IRAK1: variants seen among roughly 807,000 people sequenced by gnomAD.
The protein encoded by IRAK1 is interleukin 1 receptor associated kinase 1.
IRAK1 carries 9 observed loss-of-function variants against 49.8 expected under a neutral mutation model. That is an observed-to-expected ratio of 0.18 (90% confidence interval 0.11 to 0.32). IRAK1 has a LOEUF of 0.32. IRAK1 is among the 10% of genes least tolerant of loss of function. The pLI, the probability that IRAK1 is intolerant of heterozygous loss-of-function variation, is 1.00. For missense variants in IRAK1, 418 were observed against 600.5 expected (o/e 0.70, Z 3.18); for synonymous variants, 282 against 270.8 (o/e 1.04, Z -0.41).
At chrX:154,018,381 G>A (rs781791859) in intron 5 of IRAK1, 26 bp from the exon 6 acceptor site, 10 of 1,125,893 alleles carry the variant, frequency 8.9e-6, no homozygotes, top group Admixed American at 2.5e-5. Flanking sequence ...TGCGGTGGGG[G>A]AAGGGGCAGG....
At position 154,014,249 on chromosome X, in the gene IRAK1, C is replaced by T. The variant is rs1241646525; in HGVS notation, c.1332G>A (p.Glu444=). The T allele has an allele frequency of 8.3e-7, 1 of 1,204,518 alleles. No individual in the cohort carries two copies. Among genetic ancestry groups the T allele is most frequent in the Non-Finnish European group, 1.1e-6 (1 of 893,394 alleles). Residue 444 remains glutamate (E), a synonymous_variant, in exon 11 of 14, where the codon GAG becomes GAA. Coordinates refer to ENST00000369980, the MANE Select transcript of IRAK1 (RefSeq NM_001569.4). The part of the protein sequence containing the change: ...LKDLVEEEAE[E]AGVALRSTQS... Reference sequence around the variant, plus strand: ...GGGTGCTTCTCAAAGCCACTCCAGCCTCCTCAGCCTCCTCTTCCACCAGGT... The same window carrying T: ...GGGTGCTTCTCAAAGCCACTCCAGCTTCCTCAGCCTCCTCTTCCACCAGGT...
rs935981863 is a variant in IRAK1, at chrX:154,019,504, G to A, written c.231C>T (p.Asn77=). The A allele has an allele frequency of 5.1e-6, 6 of 1,185,051 alleles. No homozygotes were observed. Among genetic ancestry groups the A allele is most frequent in the Non-Finnish European group, 5.6e-6 (5 of 887,183 alleles). Residue 77 remains asparagine (N), a synonymous_variant, in exon 2 of 14, where the codon AAC becomes AAT. Coordinates refer to ENST00000369980, the MANE Select transcript of IRAK1 (RefSeq NM_001569.4). ...TGTGCACGAGGTCGGCCACACGGGCGTTGCGGTTGATCCAGGGCCACAGGA... is the reference window on the plus strand; with the variant it reads ...TGTGCACGAGGTCGGCCACACGGGCATTGCGGTTGATCCAGGGCCACAGGA... ...ASVLWPWINR[N]ARVADLVHIL... is the part of the protein sequence containing the mutation.
intron 5 of IRAK1, 99 bp downstream of exon 5, chrX:154,018,500 G>T: frequency 2.2e-6 from 2 of 905,785 alleles, no homozygotes; most frequent in Non-Finnish European, 3.2e-6. Context: ...CAGAATGAGG[G>T]CTGAAGGAGT....
intron 6 of IRAK1, 57 bp from the exon 7 acceptor site, chrX:154,018,177 T>TGG: frequency 9.1e-7 from 1 of 1,098,408 alleles, no homozygotes; most frequent in Admixed American, 2.3e-5. Flanking sequence ...CAGCCCTGGC[T>TGG]GGGGCCTCAG....
At chrX:154,017,136 C>G in intron 7 of IRAK1, 69 bp from the exon 8 acceptor site, 1 of 684,506 alleles carries the variant, frequency 1.5e-6, no homozygotes, top group East Asian at 3.2e-5. Context: ...ATCCTTCTAC[C>G]TGTCACCGTG....
At chrX:154,016,899 C>T (rs782509776) in intron 8 of IRAK1, 50 bp downstream of exon 8, 105 of 959,521 alleles carry the variant, frequency 1.1e-4, no homozygotes, top group Non-Finnish European at 1.5e-4. Context: ...GACGCGGGGC[C>T]CCCCTTGCTG....
rs2148643310 is a variant in IRAK1, at chrX:154,019,059, G to T, written c.456C>A (p.Thr152=). 3.3e-6 allele frequency: 4 copies of T among 1,210,493 alleles called. No homozygotes were observed. Among genetic ancestry groups the T allele is most frequent in the Non-Finnish European group, 4.5e-6 (4 of 894,270 alleles). The stretch of plus-strand genomic sequence containing the variant: ...CCAGGCCGAGCTCAGGCCCTGAATG[G>T]GTCTGGGAGCCTGGAAAAGCTTCAT... ...FLSPAFPGSQ[T]HSGPELGLVP... The change falls in exon 4 of 14, where the codon ACC becomes ACA. Residue 152 remains threonine, a synonymous_variant. Coordinates refer to ENST00000369980, the MANE Select transcript of IRAK1 (RefSeq NM_001569.4).
chrX:154,017,484 G>A (rs1344260903), intron 7 of IRAK1, among the ~76,000 whole-genome samples: 2 of 112,215 alleles, frequency 1.8e-5, no homozygotes, highest in Non-Finnish European at 3.8e-5. Flanking sequence ...GAGAGGCCTG[G>A]GAAAGAGCTC....
At position 154,019,254 on chromosome X, in the gene IRAK1, C is replaced by G. The variant is rs2065763765; in HGVS notation, c.379G>C (p.Ala127Pro). 1 of 1,203,060 alleles carries G rather than the reference C, an allele frequency of 8.3e-7. No homozygotes were observed. Among genetic ancestry groups the G allele is most frequent in the African/African-American group, 1.8e-5 (1 of 56,905 alleles). ...RPSSIPAPAE[A>P]EAWSPRKLPS... ...AACTTCCGGGGGCTCCAGGCCTCGG[C>G]CTCGGCGGGTGCAGGGATGCTGCTG... is the stretch of plus-strand genomic sequence containing the variant. Residue 127 changes from alanine (A) to proline (P), a missense_variant, in exon 3 of 14, where the codon GCC becomes CCC. Ala to Pro is a conservative substitution (Grantham distance 27). Coordinates refer to ENST00000369980, the MANE Select transcript of IRAK1 (RefSeq NM_001569.4).
At chrX:154,013,770 A>C (rs782476487) in intron 11 of IRAK1, among the ~76,000 whole-genome samples, 1 of 113,040 alleles carries the variant, frequency 8.8e-6, no homozygotes, top group South Asian at 3.6e-4. Context: ...AAAAAGGCAG[A>C]TGCAGTAGTG....
rs889694560 is a variant in IRAK1 at position 154,010,985 on chromosome X, C to T, written c.*874G>A. On this transcript the variant is annotated 3_prime_UTR_variant, in exon 14 of 14. Transcript: ENST00000369980. ...CCAGTAAAGCCTGAAGACACTGGCC[C>T]GAGGTTGGAGGTGGGTGCTGCTCGA... The T allele has an allele frequency of 2.9e-6, 1 of 342,760 alleles. No homozygotes were observed. The highest frequency in any genetic ancestry group is 5.9e-6 in the Non-Finnish European group (1 of 170,237). The allele number at this position is 342,760 out of a possible 1,213,427, so 28.2% of individuals were successfully genotyped here. A position where few individuals can be genotyped will look rare whatever the true frequency, so the allele number is the denominator to read the frequency against.
intron 13 of IRAK1, among the ~76,000 whole-genome samples, chrX:154,012,130 C>T (rs1424370937): frequency 8.9e-6 from 1 of 112,743 alleles, no homozygotes; most frequent in Non-Finnish European, 1.9e-5. Flanking sequence ...ACTGTAGCCT[C>T]CACCTCCTGG....
Position 154,011,796 on chromosome X carries a change from T to C in IRAK1, c.*63A>G. The C allele has an allele frequency of 9.3e-7, 1 of 1,073,908 alleles. No homozygotes were observed. The highest frequency in any genetic ancestry group is 1.3e-6 in the Non-Finnish European group (1 of 769,562). 88.5% of individuals were successfully genotyped at this position (1,073,908 alleles called of 1,213,427 possible). A position where few individuals can be genotyped will look rare whatever the true frequency, so the allele number is the denominator to read the frequency against. On this transcript the variant is annotated 3_prime_UTR_variant, in exon 14 of 14. Transcript: ENST00000369980. ...CAGAGTGCTGAGGACTCGTGCACCA[T>C]GAGAACTTCTGACCATGAGAACTTT...
chrX:154,019,099 G>T (rs1386809233), intron 3 of IRAK1, 21 bp from the exon 4 acceptor site: 16 of 1,199,178 alleles, frequency 1.3e-5, no homozygotes, highest in African/African-American at 1.8e-5. Context: ...ACACCAGTGA[G>T]AGGCAGGCAG....
intron 13 of IRAK1, 131 bp from the exon 14 acceptor site, chrX:154,012,048 GTTTGTTCA>G (rs1248332147): frequency 1.9e-6 from 1 of 523,213 alleles, no homozygotes; most frequent in Non-Finnish European, 3.1e-6. Flanking sequence ...GTTTTTGTTT[GTTTGTTCA>G]TTTGTTTTTG....
chrX:154,012,155 C>G (rs950207324), intron 13 of IRAK1, among the ~76,000 whole-genome samples: 1 of 113,010 alleles, frequency 8.8e-6, no homozygotes, highest in African/African-American at 3.2e-5. Flanking sequence ...AAGTGATCCT[C>G]CCATCTTGGC....
intron 9 of IRAK1, 82 bp downstream of exon 9, chrX:154,016,355 C>T (rs2065738651): frequency 1.0e-6 from 1 of 976,366 alleles, no homozygotes; most frequent in Non-Finnish European, 1.4e-6. Flanking sequence ...TGGCCCCTGG[C>T]CCGCAGTGCA....
chrX:154,016,320 T>C, intron 9 of IRAK1, 117 bp downstream of exon 9: 1 of 718,834 alleles, frequency 1.4e-6, no homozygotes, highest in Non-Finnish European at 2.1e-6. Flanking sequence ...ACCCTGGAGC[T>C]GCAGCCTCCT....
rs2065692261 is a variant in IRAK1 at position 154,010,837 on chromosome X, A to G, written c.*1022T>C. On this transcript the variant is annotated 3_prime_UTR_variant, in exon 14 of 14. Transcript: ENST00000369980. The stretch of plus-strand genomic sequence containing the variant: ...CTTGGGTAGTGGCCCCTCTGCCACA[A>G]TCAGTGCCTGGGCCTGAGGCTGAGC... 3.4e-6 allele frequency: 1 copy of G among 291,844 alleles called. No homozygotes were observed. Among genetic ancestry groups the G allele is most frequent in the Non-Finnish European group, 6.7e-6 (1 of 148,484 alleles). The allele number at this position is 291,844 out of a possible 1,213,427, so 24.1% of individuals were successfully genotyped here. A position where few individuals can be genotyped will look rare whatever the true frequency, so the allele number is the denominator to read the frequency against.
Sources: gnomAD v4.1 joint callset for allele counts (sites outside exome capture counted in the v4.1 genomes callset) on GRCh38, gnomAD v4.1.1 for gene constraint, MANE v1.5 for transcripts, NCBI Gene and HGNC (gene_info 2026-07-23, HGNC 2026-07-21) for gene names.